The following FKBP5 variants were observed in gnomAD, a reference collection of about 807,000 sequenced individuals.
The protein encoded by FKBP5 is peptidyl-prolyl cis-trans isomerase FKBP5.
FKBP5 carries 23 observed loss-of-function variants against 50.5 expected under a neutral mutation model. That is an observed-to-expected ratio of 0.46 (90% CI 0.33 to 0.65). FKBP5 has a LOEUF of 0.65. Ranked by LOEUF, FKBP5 falls within the 30% of genes least tolerant of loss-of-function variation. The pLI, the probability that FKBP5 is intolerant of heterozygous loss-of-function variation, is 0.02. For missense variants in FKBP5, 411 were observed against 553.1 expected, an observed-to-expected ratio of 0.74 and a Z score of 2.58; for synonymous variants, 176 against 190.6, an observed-to-expected ratio of 0.92 and a Z score of 0.63.
intron 1 of FKBP5, among the ~76,000 whole-genome samples, chr6:35,725,999 C>T (rs1766702739): frequency 6.6e-6 from 1 of 152,226 alleles, no homozygotes; most frequent in African/African-American, 2.4e-5. Flanking sequence ...CTGTTCCTCT[C>T]AGCAGCTCCA....
intron 5 of FKBP5, among the ~76,000 whole-genome samples, chr6:35,598,685 A>G (rs957006881): frequency 1.3e-5 from 2 of 152,192 alleles, no homozygotes; most frequent in East Asian, 1.9e-4. Context: ...TTCATAAGAA[A>G]ATCCTGACTG....
chr6:35,637,226 C>T (rs1488191239), intron 2 of FKBP5, 68 bp from the exon 3 acceptor site: 10 of 1,415,558 alleles, frequency 7.1e-6, no homozygotes, highest in Non-Finnish European at 9.8e-6. Flanking sequence ...ATAAAAAGGT[C>T]ACACAGTCCA....
At position 35,590,054 on chromosome 6, in the gene FKBP5, T is replaced by C. The variant is rs140730875; in HGVS notation, c.756+1076A>G. Among the ~76,000 whole-genome samples, 667 of 152,262 alleles carry C rather than the reference T, an allele frequency of 4.4e-3. 2 individuals carry two copies. Among genetic ancestry groups the C allele is most frequent in the Middle Eastern group, 0.027 (8 of 294 alleles). On this transcript the variant is annotated intron_variant, in intron 7 of 10. Transcript: ENST00000357266. ...GGCTCACCCCTACAATCCCAGCACT[T>C]TGGGAGGCCAAGGCAGGAGGATGGC...
At chr6:35,632,305 C>T (rs1472587746) in intron 3 of FKBP5, among the ~76,000 whole-genome samples, 2 of 152,072 alleles carry the variant, frequency 1.3e-5, no homozygotes, top group Non-Finnish European at 2.9e-5. Context: ...GATGGCTGAG[C>T]ATTGTTTCCA....
chr6:35,599,984 TG>T (rs921229608), intron 5 of FKBP5, among the ~76,000 whole-genome samples: 4 of 152,154 alleles, frequency 2.6e-5, no homozygotes, highest in African/African-American at 9.7e-5. Context: ...CAAATCTAGA[TG>T]GAACAGCCTA....
At chr6:35,671,559 G>T (rs1471103434) in intron 1 of FKBP5, among the ~76,000 whole-genome samples, 3 of 151,922 alleles carry the variant, frequency 2.0e-5, no homozygotes, top group African/African-American at 7.2e-5. Context: ...AAGTGAAAAA[G>T]TCAATTATCC....
intron 1 of FKBP5, among the ~76,000 whole-genome samples, chr6:35,648,599 C>T (rs2150992463): frequency 1.3e-5 from 2 of 152,176 alleles, no homozygotes; most frequent in Non-Finnish European, 2.9e-5. Flanking sequence ...TTTTACAACA[C>T]CATTTGGTCA....
chr6:35,585,160 T>G (rs1410506113), intron 8 of FKBP5: 1 of 980,326 alleles, frequency 1.0e-6, no homozygotes, highest in East Asian at 1.1e-4. Flanking sequence ...CTTCCCAAAC[T>G]GTTAATATTC....
intron 3 of FKBP5, among the ~76,000 whole-genome samples, chr6:35,627,959 A>G (rs1581831570): frequency 7.9e-6 from 1 of 126,180 alleles, no homozygotes; most frequent in South Asian, 2.4e-4. Flanking sequence ...TTTAGTAGAG[A>G]CGGGGTTTCA....
intron 3 of FKBP5, among the ~76,000 whole-genome samples, chr6:35,628,903 G>A (rs1764073653): frequency 2.0e-5 from 3 of 152,252 alleles, no homozygotes; most frequent in Admixed American, 2.0e-4. Flanking sequence ...TTGTAGTAGA[G>A]ACAGGGTTTC....
At chr6:35,620,619 C>T (rs1763804186) in intron 3 of FKBP5, among the ~76,000 whole-genome samples, 1 of 150,728 alleles carries the variant, frequency 6.6e-6, no homozygotes, top group African/African-American at 2.4e-5. Context: ...GTATGGTGCA[C>T]ACCTGTAGTC....
rs565292156 is a variant in FKBP5, at chr6:35,625,735, C to CA, written c.251-5462dup. ...TGGGCGACAGAGCAAGACTCCGTCT[C>CA]AAAAAAAAACACACCAAGAATACAT... On this transcript the variant is annotated intron_variant, in intron 3 of 10. Transcript: ENST00000357266. 2.4e-3 allele frequency among the ~76,000 whole-genome samples: 330 copies of CA among 140,374 alleles called. 6 individuals are homozygous for CA. In the South Asian group the frequency reaches 0.035, roughly 15 times the overall value. The allele number at this position is 140,374 out of a possible 152,430, so 92.1% of individuals were successfully genotyped here. A position where few individuals can be genotyped will look rare whatever the true frequency, so the allele number is the denominator to read the frequency against.
chr6:35,589,831 T>A lies in FKBP5; in HGVS notation c.756+1299A>T, dbSNP rs149589496. Among the ~76,000 whole-genome samples, 217 of 152,316 alleles carry A rather than the reference T, an allele frequency of 1.4e-3. 1 individual carries two copies. The highest frequency in any genetic ancestry group is 4.8e-3 in the African/African-American group (198 of 41,566). On this transcript the variant is annotated intron_variant, in intron 7 of 10. Transcript: ENST00000357266. Reference sequence around the variant, plus strand: ...TCAGTGGTCATAACCAGACATATGTTTGTTTGGGGGAACATGAAGTAGAAG... The same window carrying A: ...TCAGTGGTCATAACCAGACATATGTATGTTTGGGGGAACATGAAGTAGAAG...
intron 5 of FKBP5, among the ~76,000 whole-genome samples, chr6:35,599,008 AAAAG>A (rs971561318): frequency 2.0e-5 from 3 of 152,054 alleles, no homozygotes; most frequent in Admixed American, 6.6e-5. Flanking sequence ...ATAAAAATAA[AAAAG>A]AAAGAAAATC....
At position 35,667,171 on chromosome 6, in the gene FKBP5, T is replaced by G. The variant is rs181492404; in HGVS notation, c.-20+21633A>C. Reference sequence around the variant, plus strand: ...AGATGAATATAATTGATCTTGATTATCCACAGTACAAGAAATATGAGCTAC... The same window carrying G: ...AGATGAATATAATTGATCTTGATTAGCCACAGTACAAGAAATATGAGCTAC... On this transcript the variant is annotated intron_variant, in intron 1 of 10. Transcript: ENST00000357266. Among the ~76,000 whole-genome samples, 4 of 152,278 alleles carry G rather than the reference T, an allele frequency of 2.6e-5. No individual in the cohort carries two copies. In the East Asian group the frequency reaches 7.7e-4, roughly 29 times the overall value.
chr6:35,705,472 G>T (rs1349532804), intron 2 of FKBP5, among the ~76,000 whole-genome samples: 1 of 151,022 alleles, frequency 6.6e-6, no homozygotes, highest in Non-Finnish European at 1.5e-5. Flanking sequence ...ACACCATGTT[G>T]GTCAGGCTGG....
At chr6:35,602,803 C>A (rs1763188187) in intron 5 of FKBP5, among the ~76,000 whole-genome samples, 1 of 152,144 alleles carries the variant, frequency 6.6e-6, no homozygotes, top group African/African-American at 2.4e-5. Flanking sequence ...AGGCGTGGAA[C>A]CTGGCTCCTG....
At chr6:35,576,931 C>A in intron 10 of FKBP5, 63 bp downstream of exon 10, 1 of 1,582,810 alleles carries the variant, frequency 6.3e-7, no homozygotes, top group Non-Finnish European at 8.6e-7. Context: ...TTCCTGTCCC[C>A]TAAAATCAAA....
At chr6:35,584,855 T>C (rs1423362370) in intron 8 of FKBP5, 1 of 985,454 alleles carries the variant, frequency 1.0e-6, no homozygotes, top group Non-Finnish European at 1.2e-6. Flanking sequence ...CAAAGATTGG[T>C]AATTTTAAGT....
Sources: gnomAD v4.1 joint callset for allele counts (sites outside exome capture counted in the v4.1 genomes callset) on GRCh38, gnomAD v4.1.1 for gene constraint, MANE v1.5 for transcripts, NCBI Gene and HGNC (gene_info 2026-07-23, HGNC 2026-07-21) for gene names.